The following UNC5C variants were observed in gnomAD, a reference collection of about 807,000 sequenced individuals.
UNC5C encodes netrin receptor UNC5C.
Under a neutral mutation model 99.8 loss-of-function variants are expected in UNC5C, and 47 were observed. The observed-to-expected ratio is 0.47, with a 90% CI of 0.37 to 0.60. The LOEUF (loss-of-function observed/expected upper bound fraction) is 0.60. Ranked by LOEUF, UNC5C falls within the 20% of genes least tolerant of loss-of-function variation. The pLI, the probability that UNC5C is intolerant of heterozygous loss-of-function variation, is 0.00. For missense variants in UNC5C, 1,062 were observed against 1,165.9 expected, an observed-to-expected ratio of 0.91 and a Z score of 1.30; for synonymous variants, 487 against 452.2, an observed-to-expected ratio of 1.08 and a Z score of -0.98.
chr4:95,431,721 A>T (rs866834107), intron 1 of UNC5C, among the ~76,000 whole-genome samples: 13 of 152,238 alleles, frequency 8.5e-5, no homozygotes, highest in Middle Eastern at 3.4e-3. Context: ...CTGCTAAAAA[A>T]GACCAGAGTT....
intron 11 of UNC5C, among the ~76,000 whole-genome samples, chr4:95,204,092 C>A (rs1001114534): frequency 6.6e-6 from 1 of 152,090 alleles, no homozygotes; most frequent in Non-Finnish European, 1.5e-5. Context: ...GGCAGTAAAG[C>A]TGGAAGCTAA....
At chr4:95,420,561 G>T (rs1202792828) in intron 1 of UNC5C, among the ~76,000 whole-genome samples, 4 of 151,928 alleles carry the variant, frequency 2.6e-5, no homozygotes, top group Non-Finnish European at 5.9e-5. Context: ...GTTCTAAATT[G>T]GCCTAAACTC....
At chr4:95,359,357 T>C (rs1744311244) in intron 1 of UNC5C, among the ~76,000 whole-genome samples, 1 of 152,160 alleles carries the variant, frequency 6.6e-6, no homozygotes, top group African/African-American at 2.4e-5. Flanking sequence ...ATGTAACTTC[T>C]TTTGTTGGCC....
chr4:95,433,429 C>T (rs544206566), intron 1 of UNC5C, among the ~76,000 whole-genome samples: 82 of 151,518 alleles, frequency 5.4e-4, no homozygotes, highest in African/African-American at 1.9e-3. Context: ...TTATTTTTTC[C>T]AAAACTGTTA....
chr4:95,376,772 G>T (rs1210807901), intron 1 of UNC5C, among the ~76,000 whole-genome samples: 1 of 152,134 alleles, frequency 6.6e-6, no homozygotes, highest in Non-Finnish European at 1.5e-5. Context: ...TGTGTATAAT[G>T]AATACACTCT....
chr4:95,548,190 G>A (rs1342597993), intron 1 of UNC5C, among the ~76,000 whole-genome samples: 2 of 152,126 alleles, frequency 1.3e-5, no homozygotes, highest in Non-Finnish European at 2.9e-5. Flanking sequence ...AGGCGAGGGG[G>A]ACGGGTGCTT....
intron 7 of UNC5C, among the ~76,000 whole-genome samples, chr4:95,224,270 G>A (rs1278251633): frequency 6.6e-6 from 1 of 152,144 alleles, no homozygotes; most frequent in Admixed American, 6.5e-5. Flanking sequence ...GTGATAGAGC[G>A]AGATCTGTCT....
intron 2 of UNC5C, among the ~76,000 whole-genome samples, chr4:95,303,767 A>G (rs1209391005): frequency 6.6e-6 from 1 of 152,144 alleles, no homozygotes; most frequent in Non-Finnish European, 1.5e-5. Flanking sequence ...AAATATATAC[A>G]TATATGATAT....
intron 4 of UNC5C, among the ~76,000 whole-genome samples, chr4:95,262,225 T>C (rs1037185339): frequency 6.6e-6 from 1 of 152,192 alleles, no homozygotes; most frequent in Non-Finnish European, 1.5e-5. Context: ...GTGGTTTAAA[T>C]TCTTTGCTTT....
chr4:95,503,933 T>A (rs918101267), intron 1 of UNC5C, among the ~76,000 whole-genome samples: 2 of 152,154 alleles, frequency 1.3e-5, no homozygotes, highest in African/African-American at 2.4e-5. Context: ...TCTATGGCAT[T>A]TTCTTCTCTT....
intron 10 of UNC5C, among the ~76,000 whole-genome samples, chr4:95,207,404 G>A (rs1737921028): frequency 6.6e-6 from 1 of 152,130 alleles, no homozygotes; most frequent in Admixed American, 6.5e-5. Flanking sequence ...TTCATGCTCA[G>A]AGAATCTGGG....
chr4:95,314,661 G>A (rs546177379), intron 2 of UNC5C, among the ~76,000 whole-genome samples: 2 of 152,238 alleles, frequency 1.3e-5, no homozygotes, highest in South Asian at 4.2e-4. Context: ...TCTTCTGGAG[G>A]CTTCCTTCAC....
chr4:95,285,628 A>ATTTCAGGTTTATTGCTGTT (rs1305591107), intron 3 of UNC5C, among the ~76,000 whole-genome samples: 2 of 152,172 alleles, frequency 1.3e-5, no homozygotes, highest in Non-Finnish European at 2.9e-5. Flanking sequence ...TTCTTATGGA[A>ATTTCAGGTTTATTGCTGTT]TTTCAGGTTT....
intron 1 of UNC5C, among the ~76,000 whole-genome samples, chr4:95,361,967 T>TTA (rs113887749): frequency 0.14 from 20,592 of 149,504 alleles, 1,690 homozygotes; most frequent in African/African-American, 0.22. Context: ...CTATTATCTA[T>TTA]TATATATATA....
intron 7 of UNC5C, chr4:95,222,357 A>G (rs1057290505): frequency 6.7e-6 from 5 of 743,190 alleles, no homozygotes; most frequent in Middle Eastern, 3.8e-4. Context: ...GGTTTAATTA[A>G]AAGGAAAAGA....
intron 1 of UNC5C, among the ~76,000 whole-genome samples, chr4:95,387,325 G>A (rs921757915): frequency 1.3e-5 from 2 of 152,064 alleles, no homozygotes; most frequent in Non-Finnish European, 2.9e-5. Flanking sequence ...GTTTTGTAGA[G>A]ATGGGGGCCT....
chr4:95,512,183 G>T (rs1434127445), intron 1 of UNC5C, among the ~76,000 whole-genome samples: 1 of 152,054 alleles, frequency 6.6e-6, no homozygotes, highest in Non-Finnish European at 1.5e-5. Context: ...AACATTTAAA[G>T]GTTCAAGCTG....
At chr4:95,467,333 T>C (rs1320408178) in intron 1 of UNC5C, among the ~76,000 whole-genome samples, 3 of 152,078 alleles carry the variant, frequency 2.0e-5, no homozygotes, top group East Asian at 3.9e-4. Flanking sequence ...AGAGAAGGAA[T>C]AGAACAACAG....
chr4:95,526,323 G>T (rs981802821), intron 1 of UNC5C, among the ~76,000 whole-genome samples: 2 of 152,058 alleles, frequency 1.3e-5, no homozygotes, highest in South Asian at 4.2e-4. Flanking sequence ...TAAATTATGT[G>T]GTCTCCCTAC....
Sources: gnomAD v4.1 joint callset for allele counts (sites outside exome capture counted in the v4.1 genomes callset) on GRCh38, gnomAD v4.1.1 for gene constraint, MANE v1.5 for transcripts, NCBI Gene and HGNC (gene_info 2026-07-23, HGNC 2026-07-21) for gene names.